Variants in COLEC12 observed in about 807,000 individuals in gnomAD.
COLEC12 encodes collectin-12.
A neutral mutation model predicts 71.1 loss-of-function variants in COLEC12; 33 were observed. That is an observed-to-expected ratio of 0.46 (90% confidence interval 0.35 to 0.62). COLEC12 has a LOEUF of 0.62. Ranked by LOEUF, COLEC12 falls within the 20% of genes least tolerant of loss-of-function variation. COLEC12 has a pLI of 0.00. For synonymous variants in COLEC12, 350 were observed against 353.0 expected (o/e 0.99, Z 0.10); for missense variants, 765 against 916.1 (o/e 0.84, Z 2.13).
chr18:436,531 G>A lies in COLEC12; in HGVS notation c.58+44176C>T, dbSNP rs1239384393. Among the ~76,000 whole-genome samples the A allele has an allele frequency of 1.4e-4, 20 of 142,104 alleles. 1 individual carries two copies. Among genetic ancestry groups the A allele is most frequent in the African/African-American group, 3.0e-4 (12 of 39,550 alleles). 93.2% of individuals were successfully genotyped at this position (142,104 alleles called of 152,430 possible). A position where few individuals can be genotyped will look rare whatever the true frequency, so the allele number is the denominator to read the frequency against. On this transcript the variant is annotated intron_variant, in intron 2 of 9. Coordinates refer to ENST00000400256, the MANE Select transcript of COLEC12 (RefSeq NM_130386.3). ...ACTCCATCTCAAAAAAAAAAGGGGG[G>A]GGGGGGGGAAACAGGGGTGGCTTTC...
chr18:320,005 G>A lies in COLEC12; in HGVS notation c.*40C>T. The A allele has an allele frequency of 7.6e-7, 1 of 1,318,412 alleles. No individual in the cohort carries two copies. The allele number at this position is 1,318,412 out of a possible 1,614,324, so 81.7% of individuals were successfully genotyped here. A position where few individuals can be genotyped will look rare whatever the true frequency, so the allele number is the denominator to read the frequency against. ...TTAGAAAGGAGTGTCCTTTGCCTTTGAGAGCTGAAAATTTGCTCATGTGAT... is the reference window on the plus strand; with the variant it reads ...TTAGAAAGGAGTGTCCTTTGCCTTTAAGAGCTGAAAATTTGCTCATGTGAT... On this transcript the variant is annotated 3_prime_UTR_variant, in exon 10 of 10. Transcript: ENST00000400256.
chr18:333,571 A>G (rs931200197), intron 6 of COLEC12: 2 of 155,782 alleles, frequency 1.3e-5, no homozygotes, highest in African/African-American at 4.8e-5. Context: ...ACCAAAATCA[A>G]GTAGAATAGC....
chr18:449,521 T>C (rs1375107120), intron 2 of COLEC12, among the ~76,000 whole-genome samples: 1 of 152,134 alleles, frequency 6.6e-6, no homozygotes, highest in Admixed American at 6.5e-5. Context: ...TGCAGCAAAC[T>C]CTCTCTCAGG....
intron 2 of COLEC12, among the ~76,000 whole-genome samples, chr18:372,083 A>G (rs982046686): frequency 6.6e-6 from 1 of 152,104 alleles, no homozygotes; most frequent in African/African-American, 2.4e-5. Flanking sequence ...AACACTGTGA[A>G]CCAGACACTA....
intron 2 of COLEC12, among the ~76,000 whole-genome samples, chr18:411,148 A>G (rs1439939294): frequency 6.6e-6 from 1 of 152,204 alleles, no homozygotes; most frequent in Non-Finnish European, 1.5e-5. Flanking sequence ...CTCAGGTATC[A>G]ATGGAGATCC....
chr18:490,163 C>A (rs1917593756), intron 1 of COLEC12, among the ~76,000 whole-genome samples: 1 of 152,240 alleles, frequency 6.6e-6, no homozygotes, highest in African/African-American at 2.4e-5. Flanking sequence ...TTCACCTCCC[C>A]TGCTGAACTA....
chr18:394,090 A>G (rs778981276), intron 2 of COLEC12, among the ~76,000 whole-genome samples: 5 of 152,174 alleles, frequency 3.3e-5, no homozygotes, highest in African/African-American at 1.2e-4. Context: ...TTTTCCTACA[A>G]TGTTTCCCTT....
At chr18:331,980 C>T (rs45499393) in intron 7 of COLEC12, among the ~76,000 whole-genome samples, 2,592 of 152,254 alleles carry the variant, frequency 0.017, 49 homozygotes, top group Non-Finnish European at 0.026. Context: ...TTTCCTCTTA[C>T]AAGTTTACAA....
chr18:459,615 T>G (rs1598371549), intron 2 of COLEC12, among the ~76,000 whole-genome samples: 1 of 152,232 alleles, frequency 6.6e-6, no homozygotes, highest in East Asian at 1.9e-4. Context: ...CGCAGCTTTC[T>G]TTGCACATCT....
rs142204474 is a variant in COLEC12, at chr18:324,364, A to G, written c.2064-2557T>C. On this transcript the variant is annotated intron_variant, in intron 8 of 9. Transcript: ENST00000400256. ...TCTGGGGCTCAAAGCCCTGAATTCTACATTATCATACACATGTCACAGAAG... is the reference window on the plus strand; with the variant it reads ...TCTGGGGCTCAAAGCCCTGAATTCTGCATTATCATACACATGTCACAGAAG... Among the ~76,000 whole-genome samples, 182 of 152,350 alleles carry G rather than the reference A, an allele frequency of 1.2e-3. 2 individuals carry two copies. The highest frequency in any genetic ancestry group is 4.3e-3 in the African/African-American group (178 of 41,582).
chr18:396,827 C>T (rs761470777), intron 2 of COLEC12, among the ~76,000 whole-genome samples: 11 of 152,222 alleles, frequency 7.2e-5, no homozygotes, highest in Non-Finnish European at 1.5e-4. Context: ...CTGGGAAAGG[C>T]CACACTTGGA....
chr18:317,693 C>T lies in COLEC12; in HGVS notation c.*2352G>A, dbSNP rs1309308714. On this transcript the variant is annotated 3_prime_UTR_variant, in exon 10 of 10. Transcript: ENST00000400256. ...TCTTCTGAAGACAAATTTTAATTGA[C>T]ACTTGAAAACCAGGAAGAGCATGAA... 1.3e-5 allele frequency: 2 copies of T among 152,230 alleles called. No individual in the cohort carries two copies. Among genetic ancestry groups the T allele is most frequent in the Non-Finnish European group, 2.9e-5 (2 of 68,048 alleles). 9.4% of individuals were successfully genotyped at this position (152,230 alleles called of 1,614,324 possible). A position where few individuals can be genotyped will look rare whatever the true frequency, so the allele number is the denominator to read the frequency against.
chr18:390,293 CTCCTTCGAGCTATT>C (rs71640774), intron 2 of COLEC12, among the ~76,000 whole-genome samples: 12,647 of 152,266 alleles, frequency 0.083, 672 homozygotes, highest in Admixed American at 0.15. Context: ...CATACCTCTC[CTCCTTCGAGCTATT>C]TCTGAAAAAG....
At chr18:330,551 C>G (rs1913951173) in intron 8 of COLEC12, among the ~76,000 whole-genome samples, 1 of 151,504 alleles carries the variant, frequency 6.6e-6, no homozygotes, top group African/African-American at 2.4e-5. Context: ...CAGTTCCTTG[C>G]AATTTTCACA....
At chr18:365,541 T>C (rs1021063872) in intron 2 of COLEC12, among the ~76,000 whole-genome samples, 4 of 152,186 alleles carry the variant, frequency 2.6e-5, no homozygotes, top group African/African-American at 9.7e-5. Context: ...CAGTCTTCAA[T>C]GGCTCCTTCA....
intron 2 of COLEC12, among the ~76,000 whole-genome samples, chr18:438,055 T>C (rs1293009166): frequency 1.3e-5 from 2 of 152,174 alleles, no homozygotes; most frequent in Admixed American, 6.5e-5. Context: ...GTTTAACCTA[T>C]AAAAAATTAT....
intron 2 of COLEC12, among the ~76,000 whole-genome samples, chr18:450,739 T>G (rs1341556505): frequency 6.6e-6 from 1 of 151,886 alleles, no homozygotes; most frequent in Non-Finnish European, 1.5e-5. Context: ...TGGGCAGAGG[T>G]TGGAGGAGTG....
intron 9 of COLEC12, among the ~76,000 whole-genome samples, chr18:320,738 T>G (rs952956414): frequency 3.3e-5 from 5 of 152,182 alleles, no homozygotes; most frequent in African/African-American, 7.2e-5. Context: ...CCATACCCAT[T>G]AGCATTCATT....
chr18:489,535 G>C (rs1042049854), intron 1 of COLEC12, among the ~76,000 whole-genome samples: 1 of 152,186 alleles, frequency 6.6e-6, no homozygotes, highest in Non-Finnish European at 1.5e-5. Context: ...AGATAGAAAT[G>C]AAAGAATTCC....
Sources: allele counts gnomAD v4.1 joint callset (sites outside exome capture counted in the v4.1 genomes callset), GRCh38; gene constraint gnomAD v4.1.1; transcripts MANE v1.5; gene names NCBI Gene and HGNC (gene_info 2026-07-23, HGNC 2026-07-21).